The following NUP188 variants were observed in gnomAD, a reference collection of about 807,000 sequenced individuals.
NUP188 encodes nucleoporin NUP188.
In NUP188, 97 loss-of-function variants were observed where a neutral mutation model predicts 223.0. The observed-to-expected ratio is 0.43, with a 90% CI of 0.37 to 0.51. NUP188 has a LOEUF of 0.51. NUP188 is among the 20% of genes least tolerant of loss of function. The pLI, the probability that NUP188 is intolerant of heterozygous loss-of-function variation, is 0.00. For missense variants in NUP188, 1,947 were observed against 2,175.6 expected, an observed-to-expected ratio of 0.89 and a Z score of 2.09; for synonymous variants, 869 against 828.0, an observed-to-expected ratio of 1.05 and a Z score of -0.85.
At chr9:128,996,860 A>G (rs764961443) in intron 30 of NUP188, among the ~76,000 whole-genome samples, 1 of 152,230 alleles carries the variant, frequency 6.6e-6, no homozygotes, top group Non-Finnish European at 1.5e-5. Context: ...ACCTAAGTCC[A>G]GGATGTTGGT....
At chr9:128,990,447 G>C (rs1032667246) in intron 25 of NUP188, among the ~76,000 whole-genome samples, 1 of 152,094 alleles carries the variant, frequency 6.6e-6, no homozygotes, top group Non-Finnish European at 1.5e-5. Context: ...AGGAGAAAAG[G>C]CTGCGTGCGG....
intron 12 of NUP188, among the ~76,000 whole-genome samples, chr9:128,977,546 A>G (rs1842193616): frequency 6.6e-6 from 1 of 151,456 alleles, no homozygotes; most frequent in African/African-American, 2.4e-5. Context: ...ACAGTGGCTC[A>G]TGTCTGTAAT....
chr9:129,000,091 C>T (rs1031268082), intron 34 of NUP188, among the ~76,000 whole-genome samples: 8 of 152,092 alleles, frequency 5.3e-5, no homozygotes, highest in African/African-American at 1.4e-4. Flanking sequence ...ATGCAGGATC[C>T]GAAGTGAAAT....
At position 129,003,461 on chromosome 9, in the gene NUP188, G is replaced by C. The variant is rs777675689; in HGVS notation, c.4434+7G>C. 2 of 1,607,942 alleles carry C rather than the reference G, an allele frequency of 1.2e-6. No individual in the cohort carries two copies. The highest frequency in any genetic ancestry group is 2.7e-5 in the African/African-American group (2 of 74,924). On this transcript the variant is annotated splice_region_variant and intron_variant, in intron 38 of 43. Transcript: ENST00000372577. ...GCTCATGCGTGATATCCAGGTGGGG[G>C]CCCAAGATGGTGTCTTGGAGTCTGG...
chr9:128,968,102 T>TA (rs201636226), intron 8 of NUP188, among the ~76,000 whole-genome samples: 3,582 of 151,940 alleles, frequency 0.024, 47 homozygotes, highest in Non-Finnish European at 0.036. Flanking sequence ...TCCAAAAATT[T>TA]AAAAAAAGAA....
intron 1 of NUP188, chr9:128,948,581 T>A (rs1488494892): frequency 6.6e-6 from 1 of 152,278 alleles, no homozygotes; most frequent in Admixed American, 6.6e-5. Context: ...TCCAGTGCTA[T>A]AACCAGACCA....
chr9:129,007,081 A>G lies in NUP188; in HGVS notation c.*403A>G, dbSNP rs948254840. 2 of 159,766 alleles carry G rather than the reference A, an allele frequency of 1.3e-5. No individual in the cohort carries two copies. The highest frequency in any genetic ancestry group is 2.4e-5 in the African/African-American group (1 of 41,734). The allele number at this position is 159,766 out of a possible 1,614,324, so 9.9% of individuals were successfully genotyped here. ...GTGGTCTATTTATACAGATATTAAAATCTTGTTTATAGACAGCTGTGTGAT... is the reference window on the plus strand; with the variant it reads ...GTGGTCTATTTATACAGATATTAAAGTCTTGTTTATAGACAGCTGTGTGAT... On this transcript the variant is annotated 3_prime_UTR_variant, in exon 44 of 44. Transcript: ENST00000372577.
intron 34 of NUP188, among the ~76,000 whole-genome samples, chr9:129,000,548 G>A (rs566673230): frequency 6.6e-6 from 1 of 150,552 alleles, no homozygotes; most frequent in African/African-American, 2.4e-5. Flanking sequence ...TCGATCTCCT[G>A]ACCTCGTAAT....
chr9:128,966,102 CTT>C (rs905285610), intron 8 of NUP188, among the ~76,000 whole-genome samples: 2 of 150,814 alleles, frequency 1.3e-5, no homozygotes, highest in Non-Finnish European at 3.0e-5. Flanking sequence ...GACTCTCTCT[CTT>C]TTTTTAAAAT....
chr9:128,982,872 C>T (rs200144765), intron 16 of NUP188, 30 bp from the exon 17 acceptor site: 150 of 1,613,372 alleles, frequency 9.3e-5, no homozygotes, highest in Non-Finnish European at 1.1e-4. Context: ...GGTTGTTTGC[C>T]GTGAGGTCAC....
intron 8 of NUP188, 117 bp from the exon 9 acceptor site, chr9:128,968,389 G>A: frequency 2.7e-6 from 2 of 728,554 alleles, no homozygotes; most frequent in Non-Finnish European, 4.6e-6. Flanking sequence ...GCCATAATCT[G>A]CCACTGCACT....
At chr9:128,999,565 G>A (rs946090833) in intron 33 of NUP188, 59 bp from the exon 34 acceptor site, 23 of 1,546,608 alleles carry the variant, frequency 1.5e-5, no homozygotes, top group Non-Finnish European at 1.9e-5. Context: ...GGAAACCTTG[G>A]TGTACAGTGA....
Position 129,005,405 on chromosome 9 carries a change from GAC to G in NUP188, c.4616_4617del (p.Thr1539ArgfsTer46), listed in dbSNP as rs1564569844. ...APSSSKQPAADTEASEQQALH... is the reference protein window; with the variant it reads ...APSSSKQPAAXTEASEQQALH... Reference sequence around the variant, plus strand: ...CTCCTCCTCAAAGCAGCCCGCTGCTGACACAGAGGCATCAGAGCAGCAGGCCT... The same window carrying G: ...CTCCTCCTCAAAGCAGCCCGCTGCTGACAGAGGCATCAGAGCAGCAGGCCT... On this transcript the variant is annotated frameshift_variant, in exon 40 of 44. Transcript: ENST00000372577. LOFTEE classifies it high-confidence loss of function. The G allele has an allele frequency of 6.2e-7, 1 of 1,611,728 alleles. No homozygotes were observed.
rs540205219 is a variant in NUP188, at chr9:129,001,647, A to C, written c.3962A>C (p.Glu1321Ala). 12 of 1,613,874 alleles carry C rather than the reference A, an allele frequency of 7.4e-6. No individual in the cohort carries two copies. The East Asian group carries it at 2.0e-4, about 27-fold the overall frequency. Residue 1321 changes from glutamate (E) to alanine (A), a missense_variant, in exon 35 of 44, where the codon GAG becomes GCG. Glu to Ala is a moderately radical substitution (Grantham distance 107). Around this residue, in one of 3 missense-constraint regions of NUP188, gnomAD observed 905 missense variants for 990.6 expected, o/e 0.91. Transcript: ENST00000372577. ...CTACCCACCCTCCTCACCACTCTAG[A>C]GGTGAGCCTTCGCATGAAGCAGAAC... ...PILPTLLTTL[E>A]VSLRMKQNLH...
rs745429053 is a variant in NUP188, at chr9:129,002,963, G to A, written c.4284G>A (p.Glu1428=). Residue 1428 remains glutamate (E), a synonymous_variant, in exon 37 of 44, where the codon GAG becomes GAA. Coordinates refer to ENST00000372577, the MANE Select transcript of NUP188 (RefSeq NM_015354.3). ...TGGACTTCGTGGGTGTCCACCAGGA[G>A]CGGACCTTACAGGTGAGGGGCTGCC... is the stretch of plus-strand genomic sequence containing the variant. The part of the protein sequence containing the change: ...EALDFVGVHQ[E]RTLQCLNAVR... The A allele has an allele frequency of 4.3e-6, 7 of 1,614,040 alleles. 1 individual carries two copies. In the South Asian group the frequency reaches 6.6e-5, roughly 15 times the overall value.
chr9:128,949,167 CCT>C lies in NUP188; in HGVS notation c.33-19_33-18del. ...TGTATGATCAGAAAGAGCAAAATTA[CCT>C]CTGTTCTCTCATTTTGCAGGAGCAG... On this transcript the variant is annotated intron_variant, in intron 1 of 43. Coordinates refer to ENST00000372577, the MANE Select transcript of NUP188 (RefSeq NM_015354.3). The C allele has an allele frequency of 1.3e-6, 2 of 1,599,560 alleles. No individual in the cohort carries two copies. The highest frequency in any genetic ancestry group is 1.7e-6 in the Non-Finnish European group (2 of 1,168,114).
At chr9:128,973,116 G>C (rs776428303) in intron 11 of NUP188, 44 bp from the exon 12 acceptor site, 2 of 1,261,848 alleles carry the variant, frequency 1.6e-6, no homozygotes. Flanking sequence ...CTGGGGAAGA[G>C]TTGTATTACT....
At position 128,949,215 on chromosome 9, in the gene NUP188, T is replaced by G; in HGVS notation, c.59T>G (p.Leu20Arg). The G allele has an allele frequency of 6.2e-7, 1 of 1,613,584 alleles. No individual in the cohort carries two copies. The highest frequency in any genetic ancestry group is 8.5e-7 in the Non-Finnish European group (1 of 1,179,580). The change falls in exon 2 of 44, where the codon CTG becomes CGG. Residue 20 changes from leucine (L) to arginine (R), a missense_variant. By Grantham distance (102) the Leu-to-Arg change is moderately radical. Around this residue, in one of 3 missense-constraint regions of NUP188, gnomAD observed 817 missense variants for 865.8 expected, o/e 0.94. Transcript: ENST00000372577. The part of the protein sequence containing the change: ...VRSSRELWTI[L>R]LGRSALRELS... Reference sequence around the variant, plus strand: ...AGCAGTAGAGAACTGTGGACTATTCTGCTTGGAAGGTCAGCTCTGAGAGAG... The same window carrying G: ...AGCAGTAGAGAACTGTGGACTATTCGGCTTGGAAGGTCAGCTCTGAGAGAG...
chr9:128,988,841 C>CTCAG (rs759869576), intron 24 of NUP188, among the ~76,000 whole-genome samples: 11 of 149,530 alleles, frequency 7.4e-5, no homozygotes, highest in Non-Finnish European at 1.5e-4. Flanking sequence ...ATCCTCCTGC[C>CTCAG]TCAGCTTCCC....
Sources: allele counts gnomAD v4.1 joint callset (sites outside exome capture counted in the v4.1 genomes callset), GRCh38; gene constraint gnomAD v4.1.1; regional missense constraint gnomAD v4.1.1; transcripts MANE v1.5; gene names NCBI Gene and HGNC (gene_info 2026-07-23, HGNC 2026-07-21).